PLCL1: variants seen among roughly 807,000 people sequenced by gnomAD.
The protein encoded by PLCL1 is phospholipase C like 1 (inactive), also known as inactive phospholipase C-like protein 1.
In PLCL1, 41 loss-of-function variants were observed where a neutral mutation model predicts 84.4. The ratio of observed to expected loss-of-function variants is 0.49; its 90% CI spans 0.38 to 0.63. PLCL1 has a LOEUF of 0.63. Ranked by LOEUF, PLCL1 falls within the 30% of genes least tolerant of loss-of-function variation. PLCL1 has a pLI of 0.00. For missense variants in PLCL1, 1,206 were observed against 1,367.8 expected, an observed-to-expected ratio of 0.88 and a Z score of 1.87; for synonymous variants, 490 against 488.3, an observed-to-expected ratio of 1.00 and a Z score of -0.05.
intron 5 of PLCL1, among the ~76,000 whole-genome samples, chr2:198,143,719 C>T (rs16827916): frequency 6.6e-6 from 1 of 151,930 alleles, no homozygotes; most frequent in Non-Finnish European, 1.5e-5. Context: ...TGCCTTGATT[C>T]GGAAGACCCA....
intron 1 of PLCL1, among the ~76,000 whole-genome samples, chr2:197,949,813 G>A (rs928545174): frequency 6.6e-6 from 1 of 152,174 alleles, no homozygotes; most frequent in African/African-American, 2.4e-5. Flanking sequence ...ACTCCCTTAT[G>A]CTTCCCTTTA....
chr2:198,004,441 T>G (rs912073952), intron 1 of PLCL1, among the ~76,000 whole-genome samples: 1 of 152,204 alleles, frequency 6.6e-6, no homozygotes, highest in African/African-American at 2.4e-5. Flanking sequence ...ATTGACTGTG[T>G]CCTACTGATA....
chr2:198,082,557 T>A (rs1305596264), intron 1 of PLCL1, among the ~76,000 whole-genome samples: 4 of 152,194 alleles, frequency 2.6e-5, no homozygotes, highest in African/African-American at 9.7e-5. Flanking sequence ...ACGACTCTTT[T>A]GGAAAATTTG....
At chr2:198,046,370 T>C (rs894449632) in intron 1 of PLCL1, among the ~76,000 whole-genome samples, 3 of 152,284 alleles carry the variant, frequency 2.0e-5, no homozygotes, top group Non-Finnish European at 4.4e-5. Flanking sequence ...ACCAAGATGC[T>C]AAAGGAGAAA....
rs550546626 is a variant in PLCL1 at position 198,050,084 on chromosome 2, G to A, written c.241-33674G>A. 5.1e-4 allele frequency among the ~76,000 whole-genome samples: 77 copies of A among 152,308 alleles called. No individual in the cohort carries two copies. In the Middle Eastern group the frequency reaches 0.014, roughly 27 times the overall value. On this transcript the variant is annotated intron_variant, in intron 1 of 5. Coordinates refer to ENST00000428675, the MANE Select transcript of PLCL1 (RefSeq NM_006226.4). The stretch of plus-strand genomic sequence containing the variant: ...CCGGACTGGTTGAAGAGGGCAACGA[G>A]GTGAGGTTTCGTGAGTTGGAAGTTG...
chr2:197,897,537 T>A (rs1273193858), intron 1 of PLCL1, among the ~76,000 whole-genome samples: 1 of 152,128 alleles, frequency 6.6e-6, no homozygotes, highest in African/African-American at 2.4e-5. Flanking sequence ...ATAATAAGGG[T>A]ACCTAACTTA....
intron 3 of PLCL1, among the ~76,000 whole-genome samples, chr2:198,092,537 G>T (rs73063012): frequency 6.6e-6 from 1 of 151,684 alleles, no homozygotes; most frequent in Non-Finnish European, 1.5e-5. Context: ...CTGTACCACC[G>T]ACACCACCTC....
intron 1 of PLCL1, among the ~76,000 whole-genome samples, chr2:197,821,010 C>G (rs1690804547): frequency 6.6e-6 from 1 of 152,098 alleles, no homozygotes; most frequent in Admixed American, 6.6e-5. Context: ...TTTTAAAGAT[C>G]AAGTAGATGA....
intron 1 of PLCL1, among the ~76,000 whole-genome samples, chr2:197,887,147 C>A (rs181499117): frequency 3.3e-5 from 5 of 152,112 alleles, no homozygotes; most frequent in Non-Finnish European, 7.3e-5. Context: ...TAAGCATATA[C>A]CATCTCAGAT....
At chr2:197,807,914 T>C (rs1690514816) in intron 1 of PLCL1, among the ~76,000 whole-genome samples, 1 of 152,208 alleles carries the variant, frequency 6.6e-6, no homozygotes, top group Non-Finnish European at 1.5e-5. Flanking sequence ...ACAGACTGTC[T>C]TGTATATTAA....
At chr2:197,938,577 A>G (rs1164042046) in intron 1 of PLCL1, among the ~76,000 whole-genome samples, 2 of 152,152 alleles carry the variant, frequency 1.3e-5, no homozygotes, top group Non-Finnish European at 2.9e-5. Flanking sequence ...CACGGTTTTT[A>G]TCTTGGGCCC....
chr2:198,142,797 CT>C (rs911999035), intron 5 of PLCL1, among the ~76,000 whole-genome samples: 333 of 143,874 alleles, frequency 2.3e-3, no homozygotes, highest in African/African-American at 4.9e-3. Context: ...GCATCCTTCT[CT>C]TTTTTTTTTT....
chr2:197,834,173 A>G (rs891577933), intron 1 of PLCL1, among the ~76,000 whole-genome samples: 3 of 152,242 alleles, frequency 2.0e-5, no homozygotes, highest in African/African-American at 7.2e-5. Flanking sequence ...CTCAAGATGG[A>G]TTAAAGAGTT....
intron 5 of PLCL1, among the ~76,000 whole-genome samples, chr2:198,104,817 C>T (rs1205588189): frequency 6.6e-6 from 1 of 151,950 alleles, no homozygotes; most frequent in African/African-American, 2.4e-5. Flanking sequence ...TTGTTGGCCG[C>T]GTATATGTCT....
At chr2:197,956,767 C>T (rs28482067) in intron 1 of PLCL1, among the ~76,000 whole-genome samples, 2,625 of 151,620 alleles carry the variant, frequency 0.017, 39 homozygotes, top group Non-Finnish European at 0.025. Flanking sequence ...TTGATGAGGT[C>T]GTTTGTTTTT....
At chr2:197,816,873 C>T (rs1690700409) in intron 1 of PLCL1, among the ~76,000 whole-genome samples, 1 of 152,056 alleles carries the variant, frequency 6.6e-6, no homozygotes, top group South Asian at 2.1e-4. Context: ...TCTGTCTGAT[C>T]AATTAATTTC....
chr2:198,089,427 T>C (rs749746079), intron 3 of PLCL1, among the ~76,000 whole-genome samples: 3 of 152,234 alleles, frequency 2.0e-5, no homozygotes, highest in Non-Finnish European at 2.9e-5. Context: ...CTTATGATGG[T>C]TGAGACAAAA....
At chr2:198,114,436 C>T (rs1224518942) in intron 5 of PLCL1, among the ~76,000 whole-genome samples, 3 of 151,680 alleles carry the variant, frequency 2.0e-5, no homozygotes, top group Non-Finnish European at 2.9e-5. Context: ...ATAGATGCAT[C>T]ATAGACCAGA....
chr2:197,811,654 T>G (rs1483037402), intron 1 of PLCL1, among the ~76,000 whole-genome samples: 1 of 152,236 alleles, frequency 6.6e-6, no homozygotes, highest in Non-Finnish European at 1.5e-5. Flanking sequence ...TGTAAATTTA[T>G]GAAAGTGTGT....
Sources: gnomAD v4.1 joint callset for allele counts (sites outside exome capture counted in the v4.1 genomes callset) on GRCh38, gnomAD v4.1.1 for gene constraint, MANE v1.5 for transcripts, NCBI Gene and HGNC (gene_info 2026-07-23, HGNC 2026-07-21) for gene names.